Variants in GLI3 observed in about 807,000 individuals in gnomAD.
GLI3 encodes transcription activator GLI3.
GLI3 carries 20 observed loss-of-function variants against 100.8 expected under a neutral mutation model. The ratio of observed to expected loss-of-function variants is 0.20; its 90% CI spans 0.14 to 0.29. GLI3 has a LOEUF of 0.29. Among genes scored for constraint, GLI3 ranks in the 10% least tolerant of loss-of-function variants. GLI3 has a pLI of 1.00. For synonymous variants in GLI3, 938 were observed against 860.5 expected (o/e 1.09, Z -1.58); for missense variants, 2,040 against 2,128.5 (o/e 0.96, Z 0.82).
chr7:41,990,865 AGTGTGT>A lies in GLI3; in HGVS notation c.1498-12123_1498-12118del, dbSNP rs57245025. Reference sequence around the variant, plus strand: ...TGGCAATTAAAAATAGATTAAGGCAAGTGTGTGTGTGTGTGTGTGTGTGTGTGTGTG... The same window carrying A: ...TGGCAATTAAAAATAGATTAAGGCAAGTGTGTGTGTGTGTGTGTGTGTGTG... On this transcript the variant is annotated intron_variant, in intron 10 of 14. Transcript: ENST00000395925. 3.0e-3 allele frequency among the ~76,000 whole-genome samples: 434 copies of A among 142,830 alleles called. 3 individuals carry two copies. The highest frequency in any genetic ancestry group is 9.4e-3 in the African/African-American group (369 of 39,168). 93.7% of individuals were successfully genotyped at this position (142,830 alleles called of 152,430 possible). A position where few individuals can be genotyped will look rare whatever the true frequency, so the allele number is the denominator to read the frequency against.
At chr7:41,981,811 G>C (rs1224937811) in intron 10 of GLI3, among the ~76,000 whole-genome samples, 2 of 152,210 alleles carry the variant, frequency 1.3e-5, no homozygotes. Flanking sequence ...GCACTGAGCA[G>C]AGAAGGGAGA....
chr7:41,968,821 G>A (rs767084108), intron 13 of GLI3, among the ~76,000 whole-genome samples: 48 of 151,634 alleles, frequency 3.2e-4, no homozygotes, highest in Non-Finnish European at 5.3e-4. Flanking sequence ...GATCACAGCC[G>A]TCATGAGTCT....
At chr7:42,028,187 A>C (rs1789176687) in intron 7 of GLI3, among the ~76,000 whole-genome samples, 2 of 152,190 alleles carry the variant, frequency 1.3e-5, no homozygotes, top group African/African-American at 2.4e-5. Flanking sequence ...TTAAATAAAC[A>C]AAAACCAAAA....
At chr7:41,974,101 C>T (rs1335054801) in intron 12 of GLI3, among the ~76,000 whole-genome samples, 1 of 152,024 alleles carries the variant, frequency 6.6e-6, no homozygotes, top group Non-Finnish European at 1.5e-5. Context: ...GGTATGGAGA[C>T]CAGAAGGAGA....
intron 1 of GLI3, among the ~76,000 whole-genome samples, chr7:42,226,555 T>C (rs1285928536): frequency 1.3e-5 from 2 of 152,160 alleles, no homozygotes; most frequent in Non-Finnish European, 2.9e-5. Flanking sequence ...CCGTCTGAAA[T>C]GGATTTTTTT....
At chr7:42,045,611 T>C in intron 5 of GLI3, 81 bp from the exon 6 acceptor site, 1 of 1,282,476 alleles carries the variant, frequency 7.8e-7, no homozygotes, top group Non-Finnish European at 1.1e-6. Context: ...CAGAGTCCAT[T>C]ACACAACCCA....
chr7:42,219,417 G>C (rs1788438649), intron 2 of GLI3, among the ~76,000 whole-genome samples: 1 of 150,832 alleles, frequency 6.6e-6, no homozygotes, highest in East Asian at 1.9e-4. Flanking sequence ...AATCAAATTT[G>C]ACTTGCCTTT....
intron 2 of GLI3, among the ~76,000 whole-genome samples, chr7:42,171,154 G>A (rs1787364406): frequency 6.6e-6 from 1 of 152,188 alleles, no homozygotes; most frequent in African/African-American, 2.4e-5. Context: ...TTCAAAGCTA[G>A]ACTTGATTGC....
At chr7:42,151,322 A>C (rs904746545) in intron 2 of GLI3, 3 of 152,200 alleles carry the variant, frequency 2.0e-5, no homozygotes, top group Non-Finnish European at 4.4e-5. Flanking sequence ...CGAGGCTTGA[A>C]AGCACTCTGT....
intron 3 of GLI3, among the ~76,000 whole-genome samples, chr7:42,136,021 C>G (rs1344676603): frequency 2.6e-5 from 4 of 152,196 alleles, no homozygotes; most frequent in African/African-American, 2.4e-5. Flanking sequence ...CATATAGAGA[C>G]AGTTAAGGAT....
chr7:42,230,242 A>C (rs1788672467), intron 1 of GLI3, among the ~76,000 whole-genome samples: 1 of 152,212 alleles, frequency 6.6e-6, no homozygotes, highest in Non-Finnish European at 1.5e-5. Context: ...TCTTAACTCC[A>C]AATAGGAAAG....
chr7:42,242,835 AT>A (rs1283968063), upstream of GLI3, among the ~76,000 whole-genome samples: 1 of 152,232 alleles, frequency 6.6e-6, no homozygotes, highest in African/African-American at 2.4e-5. Flanking sequence ...CTTATGAGGA[AT>A]TTTGGTGAAT....
At chr7:42,239,504 C>T (rs1165466695), upstream of GLI3, among the ~76,000 whole-genome samples, 1 of 152,204 alleles carries the variant, frequency 6.6e-6, no homozygotes, top group Non-Finnish European at 1.5e-5. Flanking sequence ...TGTACTGCTT[C>T]TGCCTCAATC....
chr7:42,040,008 A>G, intron 7 of GLI3, 30 bp downstream of exon 7: 1 of 1,540,760 alleles, frequency 6.5e-7, no homozygotes. Flanking sequence ...ACATTTAAAA[A>G]ACACATAATG....
intron 4 of GLI3, among the ~76,000 whole-genome samples, chr7:42,050,206 T>G (rs962952123): frequency 6.6e-6 from 1 of 152,214 alleles, no homozygotes; most frequent in African/African-American, 2.4e-5. Flanking sequence ...TTTTATTTGT[T>G]ACTTAGATGC....
intron 2 of GLI3, 160 bp downstream of exon 2, chr7:42,222,970 T>G (rs912876233): frequency 1.3e-6 from 1 of 799,050 alleles, no homozygotes. Flanking sequence ...ATTACTACAT[T>G]CCATGTCCCC....
intron 3 of GLI3, among the ~76,000 whole-genome samples, chr7:42,104,765 CTTATGAATGGGGT>C: frequency 6.6e-6 from 1 of 152,030 alleles, no homozygotes; most frequent in South Asian, 2.1e-4. Context: ...GGGTGGAGCC[CTTATGAATGGGGT>C]TCCTTTTAAA....
intron 10 of GLI3, among the ~76,000 whole-genome samples, chr7:41,990,247 T>A (rs1050688390): frequency 2.0e-5 from 3 of 152,098 alleles, no homozygotes; most frequent in African/African-American, 7.2e-5. Context: ...ATCAAGCTAC[T>A]AGGAGCACCA....
At chr7:41,990,732 A>G (rs1156697328) in intron 10 of GLI3, among the ~76,000 whole-genome samples, 1 of 152,200 alleles carries the variant, frequency 6.6e-6, no homozygotes, top group African/African-American at 2.4e-5. Flanking sequence ...TTTTGGTACC[A>G]GCCACAGTCC....
Sources: allele counts gnomAD v4.1 joint callset (sites outside exome capture counted in the v4.1 genomes callset), GRCh38; gene constraint gnomAD v4.1.1; transcripts MANE v1.5; gene names NCBI Gene and HGNC (gene_info 2026-07-23, HGNC 2026-07-21).